Variants in SYT1 observed in about 807,000 individuals in gnomAD.
SYT1 encodes the protein synaptotagmin 1, also known as synaptotagmin-1.
A neutral mutation model predicts 44.8 loss-of-function variants in SYT1; 8 were observed. That is an observed-to-expected ratio of 0.18 (90% CI 0.10 to 0.32). SYT1 has a LOEUF of 0.32. Ranked by LOEUF, SYT1 falls within the 10% of genes least tolerant of loss-of-function variation. The pLI is 1.00. For synonymous variants in SYT1, 154 were observed against 188.8 expected, an observed-to-expected ratio of 0.82 and a Z score of 1.51; for missense variants, 286 against 509.3, an observed-to-expected ratio of 0.56 and a Z score of 4.22.
chr12:79,393,615 G>A (rs558260518), intron 9 of SYT1: 11 of 152,206 alleles, frequency 7.2e-5, no homozygotes, highest in East Asian at 3.9e-4. Flanking sequence ...TTTGAGAAGC[G>A]TCTGTTCATA....
intron 8 of SYT1, among the ~76,000 whole-genome samples, chr12:79,342,052 A>G (rs1455597804): frequency 6.6e-6 from 1 of 152,150 alleles, no homozygotes; most frequent in Admixed American, 6.5e-5. Flanking sequence ...GGCACAGTTA[A>G]TGATATAAAG....
intron 9 of SYT1, among the ~76,000 whole-genome samples, chr12:79,398,164 T>A (rs1156749786): frequency 6.6e-6 from 1 of 152,162 alleles, no homozygotes; most frequent in Non-Finnish European, 1.5e-5. Context: ...ATCCACAGAA[T>A]AAGGGTAGGA....
At chr12:79,179,211 TATAGATATATAG>T (rs1872207364) in intron 3 of SYT1, among the ~76,000 whole-genome samples, 1 of 56,218 alleles carries the variant, frequency 1.8e-5, no homozygotes, top group African/African-American at 1.4e-4. Context: ...TAGATATAGA[TATAGATATATAG>T]ATATAGATAT....
chr12:79,250,378 T>C (rs1363398476), intron 4 of SYT1, among the ~76,000 whole-genome samples: 1 of 152,208 alleles, frequency 6.6e-6, no homozygotes, highest in Non-Finnish European at 1.5e-5. Context: ...TCCTCCGTAT[T>C]CCTAATAAGG....
rs189386454 is a variant in SYT1, at chr12:79,257,588, C to T, written c.167-28199C>T. Among the ~76,000 whole-genome samples the T allele has an allele frequency of 4.5e-4, 69 of 152,218 alleles. No individual in the cohort carries two copies. The East Asian group carries it at 0.012, about 26-fold the overall frequency. On this transcript the variant is annotated intron_variant, in intron 4 of 10. Transcript: ENST00000261205. ...CTGCAAGCTCCGCCTCCCGGGTTCA[C>T]GCCATTCTCCTGCCTCAGCCTCCCG...
At chr12:79,216,661 G>T (rs1874824763) in intron 3 of SYT1, among the ~76,000 whole-genome samples, 2 of 152,050 alleles carry the variant, frequency 1.3e-5, no homozygotes, top group Non-Finnish European at 1.5e-5. Flanking sequence ...ACAGCTGTTT[G>T]TATTGATTAC....
At chr12:79,351,501 A>T (rs1456861123) in intron 8 of SYT1, among the ~76,000 whole-genome samples, 1 of 152,010 alleles carries the variant, frequency 6.6e-6, no homozygotes, top group Non-Finnish European at 1.5e-5. Flanking sequence ...TCAGTTCCCC[A>T]AGGAGGCTAT....
intron 4 of SYT1, among the ~76,000 whole-genome samples, chr12:79,271,127 T>C (rs568946181): frequency 3.3e-5 from 5 of 152,342 alleles, no homozygotes; most frequent in Admixed American, 2.6e-4. Flanking sequence ...TTTTCCTTTT[T>C]AAAATGTATA....
At chr12:79,372,281 C>T (rs1883821292) in intron 9 of SYT1, among the ~76,000 whole-genome samples, 1 of 152,134 alleles carries the variant, frequency 6.6e-6, no homozygotes, top group Non-Finnish European at 1.5e-5. Flanking sequence ...ACTTAATCCC[C>T]AGTGTTTAAC....
intron 1 of SYT1, among the ~76,000 whole-genome samples, chr12:78,908,119 T>G (rs1322216232): frequency 6.6e-6 from 1 of 151,968 alleles, no homozygotes. Flanking sequence ...TTTCTCATCT[T>G]GCCAGTTTTC....
chr12:78,962,378 C>T (rs1165228296), intron 1 of SYT1, among the ~76,000 whole-genome samples: 2 of 143,582 alleles, frequency 1.4e-5, no homozygotes, highest in Non-Finnish European at 3.0e-5. Context: ...AATAGCATCA[C>T]TTCGTGGGTC....
At chr12:79,028,052 C>T (rs368821107) in intron 2 of SYT1, among the ~76,000 whole-genome samples, 1 of 151,450 alleles carries the variant, frequency 6.6e-6, no homozygotes, top group African/African-American at 2.4e-5. Context: ...TTGAATATGA[C>T]CAAATCCATA....
chr12:79,328,285 G>A (rs1006619597), intron 8 of SYT1, among the ~76,000 whole-genome samples: 2 of 152,186 alleles, frequency 1.3e-5, no homozygotes, highest in East Asian at 3.8e-4. Flanking sequence ...GGTTGACTGA[G>A]AAATGAGCAA....
chr12:79,308,224 T>G (rs908559977), intron 8 of SYT1, among the ~76,000 whole-genome samples: 1 of 152,128 alleles, frequency 6.6e-6, no homozygotes, highest in African/African-American at 2.4e-5. Flanking sequence ...CCAAGAAATT[T>G]TTTGTGGAAG....
intron 3 of SYT1, among the ~76,000 whole-genome samples, chr12:79,132,277 C>T (rs1012815022): frequency 6.6e-6 from 1 of 151,824 alleles, no homozygotes; most frequent in Admixed American, 6.6e-5. Context: ...GGTGAAACCC[C>T]GTCTGTACTA....
intron 3 of SYT1, among the ~76,000 whole-genome samples, chr12:79,178,576 A>G (rs1316027814): frequency 1.3e-5 from 2 of 151,614 alleles, no homozygotes; most frequent in Non-Finnish European, 2.9e-5. Context: ...ATATTTGGAA[A>G]CCTGCATATG....
At chr12:79,169,983 T>G (rs1303229234) in intron 3 of SYT1, among the ~76,000 whole-genome samples, 3 of 151,966 alleles carry the variant, frequency 2.0e-5, no homozygotes, top group African/African-American at 7.2e-5. Context: ...TTTGCTAAGG[T>G]TAATGGCCTT....
At chr12:79,353,172 G>C (rs2136006657) in intron 8 of SYT1, among the ~76,000 whole-genome samples, 1 of 152,250 alleles carries the variant, frequency 6.6e-6, no homozygotes, top group Non-Finnish European at 1.5e-5. Flanking sequence ...TTTGCCAAGA[G>C]TTTTGCAGTG....
At chr12:79,436,296 A>G (rs1870086692) in intron 9 of SYT1, among the ~76,000 whole-genome samples, 1 of 152,170 alleles carries the variant, frequency 6.6e-6, no homozygotes, top group Non-Finnish European at 1.5e-5. Flanking sequence ...AATAGTGAAC[A>G]TTATCCAAAG....
Sources: allele counts gnomAD v4.1 joint callset (sites outside exome capture counted in the v4.1 genomes callset), GRCh38; gene constraint gnomAD v4.1.1; transcripts MANE v1.5; gene names NCBI Gene and HGNC (gene_info 2026-07-23, HGNC 2026-07-21).